Variants in OPN3 observed in about 807,000 individuals in gnomAD.
The protein encoded by OPN3 is opsin 3, also known as opsin-3.
Under a neutral mutation model 33.8 loss-of-function variants are expected in OPN3, and 29 were observed. That is an observed-to-expected ratio of 0.86 (90% CI 0.64 to 1.17). The LOEUF (loss-of-function observed/expected upper bound fraction) is 1.17, where lower values mean the gene tolerates loss of function less well. Among genes scored for constraint, OPN3 ranks in the 50% most tolerant of loss-of-function variants. OPN3 has a pLI of 0.00. For missense variants in OPN3, 437 were observed against 514.1 expected, an observed-to-expected ratio of 0.85 and a Z score of 1.45; for synonymous variants, 216 against 216.1, an observed-to-expected ratio of 1.00 and a Z score of 0.00.
intron 1 of OPN3, among the ~76,000 whole-genome samples, chr1:241,637,005 G>A (rs567993634): frequency 6.6e-6 from 1 of 152,250 alleles, no homozygotes; most frequent in African/African-American, 2.4e-5. Context: ...GCATAATGCT[G>A]GTTACATTCC....
chr1:241,605,447 C>T (rs984353941), intron 1 of OPN3, among the ~76,000 whole-genome samples: 3 of 152,284 alleles, frequency 2.0e-5, no homozygotes, highest in South Asian at 2.1e-4. Context: ...ATGGTCTTCA[C>T]GTGTACCGCT....
At chr1:241,637,897 T>A (rs929115280) in intron 1 of OPN3, among the ~76,000 whole-genome samples, 1 of 152,158 alleles carries the variant, frequency 6.6e-6, no homozygotes, top group Admixed American at 6.5e-5. Context: ...GCTACTTCCC[T>A]CATTTTTAAC....
At chr1:241,629,536 T>C (rs541041563) in intron 1 of OPN3, 3 of 152,240 alleles carry the variant, frequency 2.0e-5, no homozygotes, top group Non-Finnish European at 2.9e-5. Context: ...AAAAACTGAG[T>C]GCATCCATGT....
intron 3 of OPN3, among the ~76,000 whole-genome samples, chr1:241,596,327 A>G (rs1663507914): frequency 6.7e-6 from 1 of 150,288 alleles, no homozygotes; most frequent in African/African-American, 2.5e-5. Flanking sequence ...TGTTATAAAC[A>G]ATTTCCAGGG....
chr1:241,610,990 GTAT>G (rs1024720718), intron 1 of OPN3, among the ~76,000 whole-genome samples: 1 of 151,958 alleles, frequency 6.6e-6, no homozygotes, highest in African/African-American at 2.4e-5. Context: ...AATGCGTAAG[GTAT>G]TATTATTATT....
chr1:241,634,545 A>G, intron 1 of OPN3: 3 of 1,613,948 alleles, frequency 1.9e-6, no homozygotes, highest in Non-Finnish European at 2.5e-6. Context: ...ACTACAAAGC[A>G]TTGTACTTTA....
At chr1:241,617,198 G>A (rs934544029) in intron 1 of OPN3, among the ~76,000 whole-genome samples, 4 of 152,196 alleles carry the variant, frequency 2.6e-5, no homozygotes, top group African/African-American at 9.7e-5. Context: ...GACTAGGAAG[G>A]TTCTATTTGA....
intron 1 of OPN3, among the ~76,000 whole-genome samples, chr1:241,620,489 G>C (rs77697012): frequency 0.01 from 1,592 of 152,136 alleles, 22 homozygotes; most frequent in African/African-American, 0.036. Context: ...AGCTAACTCT[G>C]GTTCTCTTTC....
At chr1:241,639,484 T>C (rs1325785756) in intron 1 of OPN3, among the ~76,000 whole-genome samples, 2 of 152,178 alleles carry the variant, frequency 1.3e-5, no homozygotes, top group Non-Finnish European at 2.9e-5. Context: ...ACTTTTTTTC[T>C]TGAATCTCTT....
chr1:241,634,198 T>A lies in OPN3; in HGVS notation c.373+5684A>T. The stretch of plus-strand genomic sequence containing the variant: ...GAGTGAATAATTTCTTCACCACTGA[T>A]TCTAAGTCTTCTCTTGCTGTTTTAG... On this transcript the variant is annotated intron_variant, in intron 1 of 3. Transcript: ENST00000366554. 3 of 1,614,004 alleles carry A rather than the reference T, an allele frequency of 1.9e-6. No individual in the cohort carries two copies. In the Admixed American group the frequency reaches 5.0e-5, roughly 27 times the overall value.
intron 1 of OPN3, among the ~76,000 whole-genome samples, chr1:241,620,341 TGTTTGTG>T (rs1195419846): frequency 6.6e-6 from 1 of 152,176 alleles, no homozygotes; most frequent in Non-Finnish European, 1.5e-5. Context: ...ATGGACTGGA[TGTTTGTG>T]GCCCCCCAAA....
chr1:241,615,708 C>T (rs1030260459), intron 1 of OPN3: 1 of 393,884 alleles, frequency 2.5e-6, no homozygotes, highest in African/African-American at 2.0e-5. Context: ...GGACTCTATT[C>T]GTGTGCCATC....
intron 1 of OPN3, among the ~76,000 whole-genome samples, chr1:241,610,970 G>A (rs888386738): frequency 3.3e-5 from 5 of 151,960 alleles, no homozygotes; most frequent in Non-Finnish European, 7.4e-5. Flanking sequence ...TACATGTTTA[G>A]TAAAGTGGTA....
chr1:241,598,767 C>A (rs934159327), intron 2 of OPN3, among the ~76,000 whole-genome samples: 1 of 152,158 alleles, frequency 6.6e-6, no homozygotes, highest in Non-Finnish European at 1.5e-5. Context: ...TAATAATACA[C>A]AGGCAAAGAA....
intron 1 of OPN3, among the ~76,000 whole-genome samples, chr1:241,605,750 T>G (rs751003773): frequency 6.6e-6 from 1 of 152,228 alleles, no homozygotes; most frequent in Non-Finnish European, 1.5e-5. Flanking sequence ...TGAAGAAATA[T>G]GTACCAGAGC....
rs375630300 is a variant in OPN3 at position 241,634,095 on chromosome 1, C to A, written c.373+5787G>T. ...GAGCTTCTGCTGATTCCCGAGGAAT[C>A]TCTCATATTAAAATAAAGAGCCCAC... On this transcript the variant is annotated intron_variant, in intron 1 of 3. Coordinates refer to ENST00000366554, the MANE Select transcript of OPN3 (RefSeq NM_014322.3). The A allele has an allele frequency of 1.7e-5, 28 of 1,610,462 alleles. No individual in the cohort carries two copies. In the Middle Eastern group the frequency reaches 2.3e-3, roughly 133 times the overall value.
At chr1:241,634,019 CCA>C (rs756106840) in intron 1 of OPN3, 1 of 1,613,690 alleles carries the variant, frequency 6.2e-7, no homozygotes, top group African/African-American at 1.3e-5. Context: ...ATTTCCCAGG[CCA>C]CAGTCAGGCC....
In OPN3 at chr1:241,594,502, C is replaced by G; in HGVS notation, c.1135G>C (p.Glu379Gln). The change falls in exon 4 of 4, where the codon GAA becomes CAA. Residue 379 changes from glutamate (E) to glutamine (Q), a missense_variant. Coordinates refer to ENST00000366554, the MANE Select transcript of OPN3 (RefSeq NM_014322.3). ...SSIIFIITSDESLSVDDSDKT... is the reference protein window; with the variant it reads ...SSIIFIITSDQSLSVDDSDKT... Reference sequence around the variant, plus strand: ...TCGCTGTCGTCAACTGACAGTGATTCATCACTGGTGATGATAAAAATGATG... The same window carrying G: ...TCGCTGTCGTCAACTGACAGTGATTGATCACTGGTGATGATAAAAATGATG... 6.2e-7 allele frequency: 1 copy of G among 1,613,848 alleles called. No individual in the cohort carries two copies. The highest frequency in any genetic ancestry group is 8.5e-7 in the Non-Finnish European group (1 of 1,179,748).
intron 3 of OPN3, 77 bp downstream of exon 3, chr1:241,597,669 A>G: frequency 7.3e-7 from 1 of 1,375,450 alleles, no homozygotes; most frequent in Non-Finnish European, 9.7e-7. Flanking sequence ...ACTCTGAATC[A>G]CCTCTGTAAA....
Sources: gnomAD v4.1 joint callset for allele counts (sites outside exome capture counted in the v4.1 genomes callset) on GRCh38, gnomAD v4.1.1 for gene constraint, MANE v1.5 for transcripts, NCBI Gene and HGNC (gene_info 2026-07-23, HGNC 2026-07-21) for gene names.